BORCS5: variants seen among roughly 807,000 people sequenced by gnomAD.
BORCS5 encodes the protein BLOC-1 related complex subunit 5, also known as BLOC-1-related complex subunit 5.
In BORCS5, 17 loss-of-function variants were observed where a neutral mutation model predicts 22.1. The ratio of observed to expected loss-of-function variants is 0.77; its 90% CI spans 0.53 to 1.15. The LOEUF is 1.15. Among genes scored for constraint, BORCS5 ranks in the 50% most tolerant of loss-of-function variants. BORCS5 has a pLI of 0.00. For missense variants in BORCS5, 247 were observed against 253.2 expected, an observed-to-expected ratio of 0.98 and a Z score of 0.17; for synonymous variants, 117 against 99.8, an observed-to-expected ratio of 1.17 and a Z score of -1.03.
At chr12:12,406,731 G>A (rs548959584) in intron 2 of BORCS5, among the ~76,000 whole-genome samples, 5 of 151,410 alleles carry the variant, frequency 3.3e-5, no homozygotes, top group East Asian at 1.9e-4. Context: ...GTCTTGGTGC[G>A]CCTTGCAAAG....
intron 2 of BORCS5, among the ~76,000 whole-genome samples, chr12:12,383,683 C>G (rs547049744): frequency 6.6e-6 from 1 of 150,714 alleles, no homozygotes; most frequent in Non-Finnish European, 1.5e-5. Context: ...TTTATATATG[C>G]CATTCTACTC....
chr12:12,427,172 C>CTTTTT (rs869191667), intron 2 of BORCS5, among the ~76,000 whole-genome samples: 562 of 84,318 alleles, frequency 6.7e-3, no homozygotes, highest in East Asian at 0.013. Context: ...TCTTTCTTTT[C>CTTTTT]TTTTTTTTTT....
chr12:12,436,931 C>G (rs1031323485), intron 3 of BORCS5, among the ~76,000 whole-genome samples: 5 of 152,142 alleles, frequency 3.3e-5, no homozygotes, highest in African/African-American at 1.2e-4. Flanking sequence ...ACTTATTTTA[C>G]TATATTATGG....
chr12:12,357,824 G>T (rs1209713060), intron 1 of BORCS5, among the ~76,000 whole-genome samples: 6 of 152,224 alleles, frequency 3.9e-5, no homozygotes, highest in Admixed American at 1.3e-4. Flanking sequence ...GGCTGATGTA[G>T]TGAGATTTGG....
intron 3 of BORCS5, among the ~76,000 whole-genome samples, chr12:12,438,388 C>CAAAA (rs1186830715): frequency 1.1e-5 from 1 of 91,334 alleles, no homozygotes; most frequent in Non-Finnish European, 2.3e-5. Context: ...AAACGAAAAA[C>CAAAA]AACAACAAAA....
At position 12,357,303 on chromosome 12, in the gene BORCS5, G is replaced by T; in HGVS notation, c.-149G>T. 1 of 1,457,842 alleles carries T rather than the reference G, an allele frequency of 6.9e-7. No homozygotes were observed. The highest frequency in any genetic ancestry group is 9.1e-7 in the Non-Finnish European group (1 of 1,103,640). 90.3% of individuals were successfully genotyped at this position (1,457,842 alleles called of 1,614,324 possible). A position where few individuals can be genotyped will look rare whatever the true frequency, so the allele number is the denominator to read the frequency against. On this transcript the variant is annotated 5_prime_UTR_variant, in exon 1 of 4. Coordinates refer to ENST00000314565, the MANE Select transcript of BORCS5 (RefSeq NM_058169.6). ...GCCGCCCAGGCCCCTGCGTGGGCTG[G>T]ACGCGTCAGCCCCACACATTAGCCT...
chr12:12,422,523 C>A (rs549216973), intron 2 of BORCS5, among the ~76,000 whole-genome samples: 1 of 152,050 alleles, frequency 6.6e-6, no homozygotes, highest in African/African-American at 2.4e-5. Context: ...ATCGTTTGAA[C>A]CCAGGAGGCA....
At position 12,373,981 on chromosome 12, in the gene BORCS5, C is replaced by CTTTTTT. The variant is rs926893487; in HGVS notation, c.202+12651_202+12656dup. Among the ~76,000 whole-genome samples the CTTTTTT allele has an allele frequency of 5.5e-3, 492 of 89,780 alleles. 42 individuals carry two copies. Among genetic ancestry groups the CTTTTTT allele is most frequent in the African/African-American group, 0.019 (384 of 20,154 alleles). The allele number at this position is 89,780 out of a possible 152,430, so 58.9% of individuals were successfully genotyped here. ...AGAAGGCAGGGTTGCAGAGAGTATT[C>CTTTTTT]TTTTTTTTTTTTTTTTTTTTTTTTG... On this transcript the variant is annotated intron_variant, in intron 2 of 3. Transcript: ENST00000314565.
At chr12:12,399,551 C>A (rs1307223346) in intron 2 of BORCS5, among the ~76,000 whole-genome samples, 1 of 152,114 alleles carries the variant, frequency 6.6e-6, no homozygotes, top group Non-Finnish European at 1.5e-5. Flanking sequence ...AAGACCATAA[C>A]AAAGAAACAG....
At chr12:12,415,173 G>A (rs1234934819) in intron 2 of BORCS5, among the ~76,000 whole-genome samples, 3 of 151,682 alleles carry the variant, frequency 2.0e-5, no homozygotes, top group African/African-American at 7.3e-5. Flanking sequence ...CTGCAATCTC[G>A]GCACTTTGGG....
At chr12:12,370,017 G>A (rs935471798) in intron 2 of BORCS5, among the ~76,000 whole-genome samples, 80 of 150,642 alleles carry the variant, frequency 5.3e-4, no homozygotes, top group Non-Finnish European at 8.1e-4. Context: ...GAGCCACCAC[G>A]CCCGGCCCAC....
intron 2 of BORCS5, among the ~76,000 whole-genome samples, chr12:12,415,505 G>C (rs866109933): frequency 3.7e-5 from 5 of 133,644 alleles, no homozygotes; most frequent in Non-Finnish European, 8.0e-5. Flanking sequence ...CAGCAGTACT[G>C]TCCAGCTTTG....
intron 2 of BORCS5, among the ~76,000 whole-genome samples, chr12:12,369,114 T>C (rs1030908097): frequency 6.6e-6 from 1 of 152,194 alleles, no homozygotes; most frequent in African/African-American, 2.4e-5. Context: ...GTTTTGAAAG[T>C]CTATTATTAG....
At chr12:12,420,299 G>C (rs1198087675) in intron 2 of BORCS5, among the ~76,000 whole-genome samples, 2 of 152,122 alleles carry the variant, frequency 1.3e-5, no homozygotes, top group Non-Finnish European at 2.9e-5. Context: ...TTATTAAATA[G>C]GGAATCCTTT....
chr12:12,404,847 C>T (rs111773952), intron 2 of BORCS5, among the ~76,000 whole-genome samples: 15 of 152,110 alleles, frequency 9.9e-5, no homozygotes, highest in Admixed American at 7.9e-4. Context: ...TACAGGTGCC[C>T]GCCACCACAC....
chr12:12,427,698 G>T (rs1005657338), intron 2 of BORCS5, among the ~76,000 whole-genome samples: 1 of 152,182 alleles, frequency 6.6e-6, no homozygotes, highest in Non-Finnish European at 1.5e-5. Context: ...ATCTCTGATA[G>T]TTCTGGTGGC....
rs781517205 is a variant in BORCS5, at chr12:12,361,324, T to C, written c.177T>C (p.Ile59=). The part of the protein sequence containing the change: ...NDPDVIKLQE[I]PTFQPLLKGL... The stretch of plus-strand genomic sequence containing the variant: ...CCGATGTCATCAAGTTGCAAGAGAT[T>C]CCAACCTTCCAGCCCCTTTTGAAAG... Residue 59 remains isoleucine (I), a synonymous_variant, in exon 2 of 4, where the codon ATT becomes ATC. Transcript: ENST00000314565. The C allele has an allele frequency of 7.4e-6, 12 of 1,614,048 alleles. No individual in the cohort carries two copies. The highest frequency in any genetic ancestry group is 1.0e-5 in the Non-Finnish European group (12 of 1,180,010).
At chr12:12,435,384 A>G (rs1942532915) in intron 2 of BORCS5, among the ~76,000 whole-genome samples, 1 of 152,178 alleles carries the variant, frequency 6.6e-6, no homozygotes, top group Non-Finnish European at 1.5e-5. Flanking sequence ...GGAGCTAATA[A>G]TACCTCACTT....
At position 12,430,199 on chromosome 12, in the gene BORCS5, G is replaced by A. The variant is rs572534357; in HGVS notation, c.203-5429G>A. Among the ~76,000 whole-genome samples, 7 of 127,408 alleles carry A rather than the reference G, an allele frequency of 5.5e-5. 1 individual carries two copies. The Admixed American group carries it at 6.6e-4, about 12-fold the overall frequency. The allele number at this position is 127,408 out of a possible 152,430, so 83.6% of individuals were successfully genotyped here. ...AGAGTCTTGCTCTGTCACCCAGGCTGGAGTGCAGTGGCAAGATCTCGGCTC... is the reference window on the plus strand; with the variant it reads ...AGAGTCTTGCTCTGTCACCCAGGCTAGAGTGCAGTGGCAAGATCTCGGCTC... On this transcript the variant is annotated intron_variant, in intron 2 of 3. Transcript: ENST00000314565.
Sources: gnomAD v4.1 joint callset for allele counts (sites outside exome capture counted in the v4.1 genomes callset) on GRCh38, gnomAD v4.1.1 for gene constraint, MANE v1.5 for transcripts, NCBI Gene and HGNC (gene_info 2026-07-23, HGNC 2026-07-21) for gene names.